The following XRCC4 variants were observed in gnomAD, a reference collection of about 807,000 sequenced individuals.
The protein encoded by XRCC4 is DNA repair protein XRCC4.
Under a neutral mutation model 39.1 loss-of-function variants are expected in XRCC4, and 28 were observed. That is an observed-to-expected ratio of 0.72 (90% CI 0.53 to 0.98). XRCC4 has a LOEUF of 0.98. XRCC4 is among the 50% of genes least tolerant of loss of function. The pLI, the probability that XRCC4 is intolerant of heterozygous loss-of-function variation, is 0.00. For synonymous variants in XRCC4, 123 were observed against 126.4 expected, an observed-to-expected ratio of 0.97 and a Z score of 0.18; for missense variants, 350 against 376.4, an observed-to-expected ratio of 0.93 and a Z score of 0.58.
chr5:83,233,153 A>C (rs1004173292), intron 6 of XRCC4, among the ~76,000 whole-genome samples: 1 of 152,224 alleles, frequency 6.6e-6, no homozygotes, highest in African/African-American at 2.4e-5. Flanking sequence ...AATAAATAGT[A>C]ATGCGGTCAT....
intron 7 of XRCC4, among the ~76,000 whole-genome samples, chr5:83,328,768 A>G (rs1164876310): frequency 1.3e-5 from 2 of 152,108 alleles, no homozygotes. Context: ...ATAATAGTAA[A>G]GCAAGATATT....
chr5:83,281,179 T>C (rs1412260065), intron 7 of XRCC4, among the ~76,000 whole-genome samples: 2 of 152,180 alleles, frequency 1.3e-5, no homozygotes, highest in Non-Finnish European at 2.9e-5. Context: ...CCATATGACT[T>C]TTTAACCTCT....
At chr5:83,227,235 C>T (rs1010749492) in intron 6 of XRCC4, among the ~76,000 whole-genome samples, 6 of 152,178 alleles carry the variant, frequency 3.9e-5, no homozygotes, top group Middle Eastern at 3.4e-3. Context: ...GATACTTAAA[C>T]GTAGTATTCC....
chr5:83,295,507 G>A (rs1273607391), intron 7 of XRCC4, among the ~76,000 whole-genome samples: 1 of 152,032 alleles, frequency 6.6e-6, no homozygotes, highest in Non-Finnish European at 1.5e-5. Context: ...GAGTTGAGAT[G>A]GAGAATTGCA....
At chr5:83,207,928 G>C (rs1003349193) in intron 6 of XRCC4, among the ~76,000 whole-genome samples, 2 of 151,878 alleles carry the variant, frequency 1.3e-5, no homozygotes, top group African/African-American at 4.8e-5. Context: ...ATTTATTTTA[G>C]ATATTGCAAT....
chr5:83,348,237 C>G (rs1480412855), intron 7 of XRCC4, among the ~76,000 whole-genome samples: 1 of 152,164 alleles, frequency 6.6e-6, no homozygotes, highest in Non-Finnish European at 1.5e-5. Flanking sequence ...GGCAGTGTCC[C>G]TTTGAGGGCT....
At chr5:83,226,518 T>A (rs1752296853) in intron 6 of XRCC4, among the ~76,000 whole-genome samples, 1 of 152,054 alleles carries the variant, frequency 6.6e-6, no homozygotes, top group African/African-American at 2.4e-5. Context: ...GATACACAGG[T>A]CTACTCCCCT....
At chr5:83,214,847 A>T (rs1212861696) in intron 6 of XRCC4, among the ~76,000 whole-genome samples, 3 of 133,280 alleles carry the variant, frequency 2.3e-5, no homozygotes, top group Non-Finnish European at 5.0e-5. Flanking sequence ...AAAAAAAAAA[A>T]ATAATAATAA....
At chr5:83,150,327 T>C (rs1434391791) in intron 3 of XRCC4, among the ~76,000 whole-genome samples, 2 of 152,194 alleles carry the variant, frequency 1.3e-5, no homozygotes, top group African/African-American at 4.8e-5. Context: ...TGTCTCATAA[T>C]GAAGTCAGTG....
intron 6 of XRCC4, among the ~76,000 whole-genome samples, chr5:83,209,099 T>A (rs946862281): frequency 9.9e-4 from 150 of 151,628 alleles, no homozygotes; most frequent in African/African-American, 3.4e-3. Flanking sequence ...TGTGTGTGTG[T>A]GTGTGTGTGT....
At chr5:83,208,323 C>T (rs1387369110) in intron 6 of XRCC4, among the ~76,000 whole-genome samples, 2 of 151,976 alleles carry the variant, frequency 1.3e-5, no homozygotes, top group East Asian at 3.9e-4. Context: ...TTTTACCTTA[C>T]TGTCCCATTT....
intron 3 of XRCC4, among the ~76,000 whole-genome samples, chr5:83,144,254 G>A (rs1748324389): frequency 7.3e-6 from 1 of 136,162 alleles, no homozygotes; most frequent in Non-Finnish European, 1.6e-5. Flanking sequence ...TTTTCTGGCT[G>A]AGTAATATTC....
chr5:83,168,199 T>C (rs1383896136), intron 3 of XRCC4, among the ~76,000 whole-genome samples: 1 of 152,078 alleles, frequency 6.6e-6, no homozygotes, highest in Non-Finnish European at 1.5e-5. Flanking sequence ...AAGCAAGAGA[T>C]AAAAATAACA....
intron 6 of XRCC4, among the ~76,000 whole-genome samples, chr5:83,208,662 T>C (rs1322291578): frequency 1.3e-5 from 2 of 152,140 alleles, no homozygotes; most frequent in East Asian, 1.9e-4. Flanking sequence ...ATATGTACTG[T>C]ATGATGTAGC....
chr5:83,090,842 T>C (rs1484214843), intron 1 of XRCC4, among the ~76,000 whole-genome samples: 1 of 152,224 alleles, frequency 6.6e-6, no homozygotes, highest in Non-Finnish European at 1.5e-5. Flanking sequence ...ATATTTCTTA[T>C]AATATCACAC....
At chr5:83,166,487 G>A (rs1345995345) in intron 3 of XRCC4, among the ~76,000 whole-genome samples, 1 of 148,882 alleles carries the variant, frequency 6.7e-6, no homozygotes, top group East Asian at 2.0e-4. Flanking sequence ...TTTTTGAGAT[G>A]GAGTCTTGCT....
intron 6 of XRCC4, among the ~76,000 whole-genome samples, chr5:83,255,756 A>G (rs151132212): frequency 7.6e-4 from 116 of 152,342 alleles, no homozygotes; most frequent in African/African-American, 2.6e-3. Context: ...TAGGTGTCCC[A>G]GTCACTACCT....
At chr5:83,115,009 G>T (rs371218139) in intron 3 of XRCC4, among the ~76,000 whole-genome samples, 23 of 152,230 alleles carry the variant, frequency 1.5e-4, no homozygotes, top group African/African-American at 5.5e-4. Flanking sequence ...GTGCAGGGGA[G>T]CTCCCCTTTA....
chr5:83,176,476 C>G (rs183804188), intron 3 of XRCC4, among the ~76,000 whole-genome samples: 4 of 152,202 alleles, frequency 2.6e-5, no homozygotes, highest in African/African-American at 9.6e-5. Flanking sequence ...GAAGGCTTAT[C>G]TGTACTTTCT....
Sources: gnomAD v4.1 joint callset for allele counts (sites outside exome capture counted in the v4.1 genomes callset) on GRCh38, gnomAD v4.1.1 for gene constraint, MANE v1.5 for transcripts, NCBI Gene and HGNC (gene_info 2026-07-23, HGNC 2026-07-21) for gene names.